CXADR: variants seen among roughly 807,000 people sequenced by gnomAD.
The protein encoded by CXADR is CXADR cell adhesion molecule, also known as coxsackievirus and adenovirus receptor.
A neutral mutation model predicts 40.3 loss-of-function variants in CXADR; 20 were observed. That is an observed-to-expected ratio of 0.50 (90% CI 0.35 to 0.72). The LOEUF is 0.72. CXADR is among the 30% of genes least tolerant of loss of function. The pLI is 0.01. For synonymous variants in CXADR, 150 were observed against 161.3 expected (o/e 0.93, Z 0.53); for missense variants, 332 against 449.1 (o/e 0.74, Z 2.36).
downstream of CXADR, among the ~76,000 whole-genome samples, chr21:17,573,921 T>G (rs376792795): frequency 0.14 from 21,824 of 152,160 alleles, 1,644 homozygotes; most frequent in East Asian, 0.21. Flanking sequence ...AAAAAATTCA[T>G]AATCTGAATT....
In CXADR at chr21:17,567,461, C is replaced by T; in HGVS notation, c.*1769C>T. ...TGAATTTCTGGTGCCTATGAGCTAGCTATCACCTACCTGAAAGGTGCTTAG... is the reference window on the plus strand; with the variant it reads ...TGAATTTCTGGTGCCTATGAGCTAGTTATCACCTACCTGAAAGGTGCTTAG... On this transcript the variant is annotated 3_prime_UTR_variant, in exon 7 of 7. Transcript: ENST00000284878. 1.0e-6 allele frequency: 1 copy of T among 985,306 alleles called. No individual in the cohort carries two copies. Among genetic ancestry groups the T allele is most frequent in the Non-Finnish European group, 1.2e-6 (1 of 829,820 alleles). 61.0% of individuals were successfully genotyped at this position (985,306 alleles called of 1,614,324 possible). A position where few individuals can be genotyped will look rare whatever the true frequency, so the allele number is the denominator to read the frequency against.
chr21:17,546,963 G>A lies in CXADR; in HGVS notation c.44-64G>A, dbSNP rs546606494. 675 of 1,577,328 alleles carry A rather than the reference G, an allele frequency of 4.3e-4. 2 individuals carry two copies. In the African/African-American group the frequency reaches 7.3e-3, roughly 17 times the overall value. On this transcript the variant is annotated intron_variant, in intron 1 of 6. Transcript: ENST00000284878. ...CAATGTGCTGCTTCTGAATGGCTGC[G>A]GGGCACTGTGTGGGCTGTCAGCGTA...
At chr21:17,558,557 C>CT (rs1003696070) in intron 3 of CXADR, among the ~76,000 whole-genome samples, 1 of 152,212 alleles carries the variant, frequency 6.6e-6, no homozygotes. Context: ...GTTATGGCGC[C>CT]TAGAGGGATG....
the CXADR span, among the ~76,000 whole-genome samples, chr21:17,630,119 T>G: frequency 6.6e-6 from 1 of 152,166 alleles, no homozygotes. Flanking sequence ...GGGCTCTTTC[T>G]TGAATTAAAA....
chr21:17,554,986 A>C (rs1268044237), intron 3 of CXADR, among the ~76,000 whole-genome samples: 1 of 152,192 alleles, frequency 6.6e-6, no homozygotes, highest in East Asian at 1.9e-4. Context: ...GAGGGGCAGC[A>C]TGTTGCTGTA....
In CXADR at chr21:17,560,658, C is replaced by T. The variant is rs3737410; in HGVS notation, c.572-44C>T. The T allele has an allele frequency of 6.5e-3, 10,183 of 1,572,866 alleles. 644 individuals are homozygous for T. In the East Asian group the frequency reaches 0.16, roughly 25 times the overall value. On this transcript the variant is annotated intron_variant, in intron 4 of 6. Transcript: ENST00000284878. Reference sequence around the variant, plus strand: ...TGTTTACTAACACCTGATAACAATACATACTATAAAAATGAGTTTGTTTTC... The same window carrying T: ...TGTTTACTAACACCTGATAACAATATATACTATAAAAATGAGTTTGTTTTC...
intron 1 of CXADR, among the ~76,000 whole-genome samples, chr21:17,513,635 A>C (rs2123078711): frequency 6.6e-6 from 1 of 152,296 alleles, no homozygotes; most frequent in East Asian, 1.9e-4. Context: ...TGCAAACGCC[A>C]TTATTCAATG....
At chr21:17,624,839 G>A in the CXADR span, among the ~76,000 whole-genome samples, 7 of 151,958 alleles carry the variant, frequency 4.6e-5, no homozygotes, top group Admixed American at 6.5e-5. Context: ...TTGTTCCCCC[G>A]GTTAATTACG....
chr21:17,603,362 G>A, the CXADR span, among the ~76,000 whole-genome samples: 19 of 152,094 alleles, frequency 1.2e-4, no homozygotes, highest in Non-Finnish European at 2.6e-4. Context: ...AAGAAGTATT[G>A]GAGAATGTTT....
chr21:17,621,695 T>A, the CXADR span, among the ~76,000 whole-genome samples: 1 of 152,118 alleles, frequency 6.6e-6, no homozygotes, highest in Non-Finnish European at 1.5e-5. Context: ...TGAGGACACA[T>A]CCTTCCTCTT....
the CXADR span, chr21:17,598,938 A>G: frequency 2.5e-6 from 2 of 798,856 alleles, no homozygotes; most frequent in Non-Finnish European, 3.9e-6. Flanking sequence ...AGATTGAATC[A>G]TCACAGAACT....
downstream of CXADR, chr21:17,593,931 AT>A (rs2061468755): frequency 3.2e-6 from 3 of 949,176 alleles, no homozygotes; most frequent in African/African-American, 1.7e-5. Flanking sequence ...AAGTGCATAT[AT>A]TTTTTAAGAA....
downstream of CXADR, among the ~76,000 whole-genome samples, chr21:17,574,761 G>C (rs1241310265): frequency 2.6e-5 from 4 of 152,132 alleles, no homozygotes; most frequent in Non-Finnish European, 4.4e-5. Flanking sequence ...CAGAAGTGAA[G>C]CTAAGGAAAT....
chr21:17,520,586 A>T (rs140817575), intron 1 of CXADR, among the ~76,000 whole-genome samples: 1 of 152,322 alleles, frequency 6.6e-6, no homozygotes, highest in East Asian at 1.9e-4. Flanking sequence ...AAGTAAGGTT[A>T]TACGCTGAGA....
chr21:17,603,298 T>G, the CXADR span, among the ~76,000 whole-genome samples: 1 of 152,182 alleles, frequency 6.6e-6, no homozygotes, highest in East Asian at 1.9e-4. Flanking sequence ...AATCTAAAAA[T>G]GTTTATTTTC....
the CXADR span, among the ~76,000 whole-genome samples, chr21:17,611,346 C>A: frequency 6.6e-6 from 1 of 152,178 alleles, no homozygotes; most frequent in Admixed American, 6.5e-5. Context: ...CATTTGCCAA[C>A]TATGTGCCAC....
intron 7 of CXADR, among the ~76,000 whole-genome samples, chr21:17,585,802 G>A (rs1398637617): frequency 6.6e-6 from 1 of 152,186 alleles, no homozygotes; most frequent in Non-Finnish European, 1.5e-5. Context: ...ACAGGCATGA[G>A]CCACCGCGCC....
intron 3 of CXADR, among the ~76,000 whole-genome samples, chr21:17,553,552 G>A (rs986198818): frequency 2.0e-5 from 3 of 151,744 alleles, no homozygotes; most frequent in Non-Finnish European, 4.4e-5. Flanking sequence ...GAGTAAACAT[G>A]GAGTAACTTT....
At chr21:17,561,594 T>G in intron 6 of CXADR, 118 bp downstream of exon 6, 1 of 819,064 alleles carries the variant, frequency 1.2e-6, no homozygotes, top group Non-Finnish European at 1.8e-6. Context: ...GTAAAAGCTC[T>G]GGCCGCCTTC....
Sources: allele counts gnomAD v4.1 joint callset (sites outside exome capture counted in the v4.1 genomes callset), GRCh38; gene constraint gnomAD v4.1.1; transcripts MANE v1.5; gene names NCBI Gene and HGNC (gene_info 2026-07-23, HGNC 2026-07-21).